Variants in HDAC9 observed in about 807,000 individuals in gnomAD.
HDAC9 encodes the protein MEF-2 interacting transcription repressor (MITR) protein.
In HDAC9, 41 loss-of-function variants were observed where a neutral mutation model predicts 139.4. The observed-to-expected ratio is 0.29, with a 90% CI of 0.23 to 0.38. The LOEUF (loss-of-function observed/expected upper bound fraction) is 0.38. Ranked by LOEUF, HDAC9 falls within the 10% of genes least tolerant of loss-of-function variation. The probability of loss-of-function intolerance (pLI) is 1.00; values close to 1 mark genes in which losing one functional copy is unlikely to be tolerated. For missense variants in HDAC9, 1,147 were observed against 1,297.0 expected (o/e 0.88, Z 1.78); for synonymous variants, 517 against 476.2 (o/e 1.09, Z -1.12).
At chr7:18,773,400 C>T (rs1790487934) in intron 16 of HDAC9, among the ~76,000 whole-genome samples, 1 of 148,832 alleles carries the variant, frequency 6.7e-6, no homozygotes, top group African/African-American at 2.5e-5. Context: ...CACACACACA[C>T]ACACACACAC....
chr7:18,930,485 A>T (rs933795952), intron 22 of HDAC9, among the ~76,000 whole-genome samples: 1 of 152,172 alleles, frequency 6.6e-6, no homozygotes, highest in Non-Finnish European at 1.5e-5. Context: ...ACACACACGT[A>T]CACATGCCAC....
At chr7:18,376,636 C>T (rs972857965) in intron 1 of HDAC9, among the ~76,000 whole-genome samples, 13 of 152,160 alleles carry the variant, frequency 8.5e-5, no homozygotes, top group Admixed American at 1.3e-4. Flanking sequence ...ACATGAGCCT[C>T]CCTTCCTTTT....
chr7:18,232,858 C>T (rs1214469850), intron 2 of HDAC9, among the ~76,000 whole-genome samples: 3 of 152,148 alleles, frequency 2.0e-5, no homozygotes, highest in Non-Finnish European at 4.4e-5. Flanking sequence ...CTGAATAAAT[C>T]CACTATTATC....
At chr7:18,898,399 A>AGCT (rs1801406682) in intron 22 of HDAC9, among the ~76,000 whole-genome samples, 1 of 151,962 alleles carries the variant, frequency 6.6e-6, no homozygotes, top group Non-Finnish European at 1.5e-5. Context: ...TTACATAAAT[A>AGCT]TTTTAAAAAT....
At position 18,629,526 on chromosome 7, in the gene HDAC9, GA is replaced by G. The variant is rs757267753; in HGVS notation, c.796+54del. 661 of 1,494,212 alleles carry G rather than the reference GA, an allele frequency of 4.4e-4. 1 individual carries two copies. Among genetic ancestry groups the G allele is most frequent in the South Asian group, 5.5e-4 (43 of 77,856 alleles). The allele number at this position is 1,494,212 out of a possible 1,614,324, so 92.6% of individuals were successfully genotyped here. A position where few individuals can be genotyped will look rare whatever the true frequency, so the allele number is the denominator to read the frequency against. On this transcript the variant is annotated intron_variant, in intron 7 of 25. Transcript: ENST00000686413. ...ACCTATGAATGCTGGGAGTAGGAAT[GA>G]AAAAAAAATAGTTTAGAATAAATAT...
At chr7:18,711,319 C>A (rs182371354) in intron 12 of HDAC9, among the ~76,000 whole-genome samples, 8 of 152,312 alleles carry the variant, frequency 5.3e-5, no homozygotes, top group African/African-American at 1.9e-4. Context: ...CTCTCCAACC[C>A]ACTGCTGCAA....
At chr7:18,117,418 G>A (rs934705521) in intron 1 of HDAC9, among the ~76,000 whole-genome samples, 3 of 151,666 alleles carry the variant, frequency 2.0e-5, no homozygotes, top group Non-Finnish European at 1.5e-5. Context: ...CCTGGGAGGC[G>A]GAGCTTGCAG....
intron 2 of HDAC9, among the ~76,000 whole-genome samples, chr7:18,245,409 C>A (rs1054400693): frequency 3.9e-5 from 6 of 152,226 alleles, no homozygotes; most frequent in Non-Finnish European, 8.8e-5. Flanking sequence ...AACACTGAGA[C>A]CTCCTCTTCT....
intron 14 of HDAC9, among the ~76,000 whole-genome samples, chr7:18,750,916 C>G (rs1176642524): frequency 6.6e-6 from 1 of 152,172 alleles, no homozygotes; most frequent in Admixed American, 6.5e-5. Context: ...TATCCTGCGG[C>G]AGCTGGCCTG....
At chr7:18,716,241 C>A (rs897723474) in intron 12 of HDAC9, among the ~76,000 whole-genome samples, 8 of 152,178 alleles carry the variant, frequency 5.3e-5, no homozygotes, top group African/African-American at 1.9e-4. Flanking sequence ...TCATCCCTCT[C>A]TGGGCTGTTA....
At chr7:18,830,793 G>A (rs1297677570) in intron 19 of HDAC9, among the ~76,000 whole-genome samples, 1 of 152,112 alleles carries the variant, frequency 6.6e-6, no homozygotes, top group Non-Finnish European at 1.5e-5. Context: ...TCAATGTCAG[G>A]CATAGCTCAC....
At chr7:18,811,484 A>G (rs1168200495) in intron 17 of HDAC9, among the ~76,000 whole-genome samples, 1 of 151,632 alleles carries the variant, frequency 6.6e-6, no homozygotes, top group African/African-American at 2.4e-5. Context: ...CTTTTTTGAC[A>G]CGTGAGTTAT....
At chr7:18,594,423 A>G (rs1831890605) in intron 6 of HDAC9, among the ~76,000 whole-genome samples, 1 of 152,120 alleles carries the variant, frequency 6.6e-6, no homozygotes, top group African/African-American at 2.4e-5. Context: ...CGAGAATAAT[A>G]AAGTTTAATT....
At chr7:18,810,512 C>T (rs535139647) in intron 17 of HDAC9, among the ~76,000 whole-genome samples, 4 of 151,860 alleles carry the variant, frequency 2.6e-5, no homozygotes, top group South Asian at 2.1e-4. Context: ...TTTCAGAAAT[C>T]GATGATATCA....
At chr7:18,095,690 A>C (rs1782460783) in intron 1 of HDAC9, among the ~76,000 whole-genome samples, 1 of 152,216 alleles carries the variant, frequency 6.6e-6, no homozygotes, top group Non-Finnish European at 1.5e-5. Flanking sequence ...CATAAATATG[A>C]ATGCTTTTGC....
At chr7:18,800,590 A>G (rs773297859) in intron 17 of HDAC9, among the ~76,000 whole-genome samples, 13 of 152,078 alleles carry the variant, frequency 8.5e-5, no homozygotes, top group Non-Finnish European at 1.8e-4. Context: ...CCCAGCACTT[A>G]AGGAGGCTGA....
At position 18,705,852 on chromosome 7, in the gene HDAC9, CA is replaced by C. The variant is rs376206693; in HGVS notation, c.1732-21717del. ...CAGGCGACAGAGAGAGACTCTGTCT[CA>C]AAAAAAAAAATAAAATAAAATAAAA... On this transcript the variant is annotated intron_variant, in intron 12 of 25. Coordinates refer to ENST00000686413, the MANE Select transcript of HDAC9 (RefSeq NM_178425.4). Among the ~76,000 whole-genome samples the C allele has an allele frequency of 6.2e-3, 510 of 81,956 alleles. 27 individuals carry two copies. Among genetic ancestry groups the C allele is most frequent in the African/African-American group, 0.036 (470 of 13,154 alleles). 53.8% of individuals were successfully genotyped at this position (81,956 alleles called of 152,430 possible).
intron 2 of HDAC9, among the ~76,000 whole-genome samples, chr7:18,506,997 G>T (rs899049166): frequency 2.6e-5 from 4 of 151,748 alleles, no homozygotes; most frequent in Admixed American, 6.6e-5. Flanking sequence ...TTGTTACTTT[G>T]CTCTAAAATT....
chr7:18,774,608 C>G (rs1029417703), intron 16 of HDAC9, among the ~76,000 whole-genome samples: 1 of 151,962 alleles, frequency 6.6e-6, no homozygotes, highest in African/African-American at 2.4e-5. Context: ...ATCATCTGAG[C>G]CTTCAGTGAG....
Sources: gnomAD v4.1 joint callset for allele counts (sites outside exome capture counted in the v4.1 genomes callset) on GRCh38, gnomAD v4.1.1 for gene constraint, MANE v1.5 for transcripts, NCBI Gene and HGNC (gene_info 2026-07-23, HGNC 2026-07-21) for gene names.